The following MAP3K4 variants were observed in gnomAD, a reference collection of about 807,000 sequenced individuals.
MAP3K4 encodes the protein MAP three kinase 1.
In MAP3K4, 67 loss-of-function variants were observed where a neutral mutation model predicts 185.6. The observed-to-expected ratio is 0.36, with a 90% CI of 0.30 to 0.44. The LOEUF is 0.44. Ranked by LOEUF, MAP3K4 falls within the 20% of genes least tolerant of loss-of-function variation. The probability of loss-of-function intolerance (pLI) is 1.00; values close to 1 mark genes in which losing one functional copy is unlikely to be tolerated. For synonymous variants in MAP3K4, 702 were observed against 710.4 expected, an observed-to-expected ratio of 0.99 and a Z score of 0.19; for missense variants, 1,551 against 1,995.1, an observed-to-expected ratio of 0.78 and a Z score of 4.24.
rs1439999633 is a variant in MAP3K4, at chr6:161,070,719, A to G, written c.1819A>G (p.Met607Val). 6.2e-6 allele frequency: 10 copies of G among 1,614,050 alleles called. No homozygotes were observed. The highest frequency in any genetic ancestry group is 1.6e-4 in the Middle Eastern group (1 of 6,064). The change falls in exon 4 of 27, where the codon ATG becomes GTG. Residue 607 changes from methionine to valine, a missense_variant. By Grantham distance (21) the Met-to-Val change is conservative. Around this residue, in one of 16 missense-constraint regions of MAP3K4, gnomAD observed 86 missense variants for 81.6 expected, o/e 1.05. Transcript: ENST00000392142. The surrounding 1 kb of genome is among the most constrained non-coding windows in gnomAD (Gnocchi z 4.5). ...SAVSWEELKAMDLPSFEPAFL... is the reference protein window; with the variant it reads ...SAVSWEELKAVDLPSFEPAFL... Reference sequence around the variant, plus strand: ...TGTGTCGTGGGAGGAGCTGAAGGCCATGGATTTACCTTCATTCGAACCTGC... The same window carrying G: ...TGTGTCGTGGGAGGAGCTGAAGGCCGTGGATTTACCTTCATTCGAACCTGC...
chr6:161,047,673 T>G (rs1388832739), intron 2 of MAP3K4, among the ~76,000 whole-genome samples: 2 of 152,152 alleles, frequency 1.3e-5, no homozygotes, highest in African/African-American at 4.8e-5. Context: ...ATTAACATTT[T>G]ATGTAGTGAG....
At position 161,067,550 on chromosome 6, in the gene MAP3K4, T is replaced by C. The variant is rs1365554404; in HGVS notation, c.1708-3058T>C. On this transcript the variant is annotated intron_variant, in intron 3 of 26. Transcript: ENST00000392142. The surrounding 1 kb of genome is among the most constrained non-coding windows in gnomAD (Gnocchi z 6.3). ...CTTGCCTGTTAGGGAAACCCAGGTG[T>C]GTACTAATTTAAGTGCAAAAGTATG... Among the ~76,000 whole-genome samples the C allele has an allele frequency of 6.6e-6, 1 of 152,196 alleles. No individual in the cohort carries two copies. Among genetic ancestry groups the C allele is most frequent in the South Asian group, 2.1e-4 (1 of 4,828 alleles).
At chr6:160,997,102 C>T (rs570582382) in intron 1 of MAP3K4, among the ~76,000 whole-genome samples, 4 of 152,184 alleles carry the variant, frequency 2.6e-5, no homozygotes, top group East Asian at 3.9e-4. Flanking sequence ...CCTTGCTTTT[C>T]CTGCTTTAAT....
intron 1 of MAP3K4, among the ~76,000 whole-genome samples, chr6:161,001,017 T>G: frequency 1.1e-4 from 2 of 18,816 alleles, no homozygotes; most frequent in African/African-American, 3.6e-4. Context: ...CACATATGTA[T>G]ATAATATATA....
chr6:161,065,894 C>T (rs962433172), intron 3 of MAP3K4, among the ~76,000 whole-genome samples: 14 of 138,212 alleles, frequency 1.0e-4, no homozygotes, highest in Admixed American at 4.5e-4. Flanking sequence ...GCCGAGATCG[C>T]GCCACTGCAC....
rs191267602 is a variant in MAP3K4 at position 161,008,962 on chromosome 6, T to C, written c.152+16879T>C. Among the ~76,000 whole-genome samples the C allele has an allele frequency of 9.9e-5, 15 of 151,918 alleles. No individual in the cohort carries two copies. Among genetic ancestry groups the C allele is most frequent in the African/African-American group, 3.6e-4 (15 of 41,396 alleles). On this transcript the variant is annotated intron_variant, in intron 1 of 26. Transcript: ENST00000392142. This position sits in a 1 kb window ranked among gnomAD's most constrained non-coding sequence, Gnocchi z 4.1. The stretch of plus-strand genomic sequence containing the variant: ...CCCATTGTATAAATGTATCATGGCA[T>C]ATTCATTTTTTTAAACCATCTGAAC...
Position 161,107,853 on chromosome 6 carries a change from G to GC in MAP3K4, c.4049-41dup. The GC allele has an allele frequency of 7.5e-7, 1 of 1,327,046 alleles. No individual in the cohort carries two copies. The highest frequency in any genetic ancestry group is 1.1e-6 in the Non-Finnish European group (1 of 920,972). 82.2% of individuals were successfully genotyped at this position (1,327,046 alleles called of 1,614,324 possible). ...TTACAAGTTTAAGGAATGTAAGACA[G>GC]CCCCCTGCAGTGGCTGGAAGTGCAG... On this transcript the variant is annotated intron_variant, in intron 20 of 26. Transcript: ENST00000392142. This position sits in a 1 kb window ranked among gnomAD's most constrained non-coding sequence, Gnocchi z 6.2.
chr6:161,037,745 T>C lies in MAP3K4; in HGVS notation c.343+3296T>C, dbSNP rs905196361. ...AAAGTCAGGATTTCTTCCCAACACT[T>C]ACTACTTTTTTTCTTGACTTAAATC... On this transcript the variant is annotated intron_variant, in intron 2 of 26. Transcript: ENST00000392142. This position sits in a 1 kb window ranked among gnomAD's most constrained non-coding sequence, Gnocchi z 4.2. 6.6e-6 allele frequency among the ~76,000 whole-genome samples: 1 copy of C among 152,182 alleles called. No individual in the cohort carries two copies. Among genetic ancestry groups the C allele is most frequent in the African/African-American group, 2.4e-5 (1 of 41,454 alleles).
At chr6:160,992,160 C>T (rs1304407712) in intron 1 of MAP3K4, 77 bp downstream of exon 1, 20 of 1,419,386 alleles carry the variant, frequency 1.4e-5, no homozygotes, top group Admixed American at 5.9e-5. Flanking sequence ...GGCCCGAGGG[C>T]CTCTGCTTCC....
intron 11 of MAP3K4, 47 bp downstream of exon 11, chr6:161,089,518 A>G (rs909157559): frequency 1.4e-5 from 22 of 1,602,894 alleles, no homozygotes; most frequent in Non-Finnish European, 1.8e-5. Flanking sequence ...CTTTTTGATG[A>G]AAGTCAGTGT....
intron 1 of MAP3K4, among the ~76,000 whole-genome samples, chr6:161,033,365 A>G (rs1562493894): frequency 6.6e-6 from 1 of 152,136 alleles, no homozygotes; most frequent in African/African-American, 2.4e-5. Flanking sequence ...TGTATCATTA[A>G]ATTTTATTTT....
intron 1 of MAP3K4, among the ~76,000 whole-genome samples, chr6:161,012,059 A>G (rs925882766): frequency 6.6e-6 from 1 of 152,140 alleles, no homozygotes; most frequent in African/African-American, 2.4e-5. Flanking sequence ...TAGGGTGGCC[A>G]CGCATTTCGA....
chr6:161,034,571 A>ATTT lies in MAP3K4; in HGVS notation c.343+122_343+123insTTT. The ATTT allele has an allele frequency of 5.9e-6, 4 of 674,382 alleles. No homozygotes were observed. Among genetic ancestry groups the ATTT allele is most frequent in the Non-Finnish European group, 8.4e-6 (4 of 477,246 alleles). The allele number at this position is 674,382 out of a possible 1,614,324, so 41.8% of individuals were successfully genotyped here. ...TGATTTTAATGCTCCTGTAAAGTTCAATTTTTTTTTGAATTATTACCATTA... is the reference window on the plus strand; with the variant it reads ...TGATTTTAATGCTCCTGTAAAGTTCATTTATTTTTTTTTGAATTATTACCATTA... On this transcript the variant is annotated intron_variant, in intron 2 of 26. Coordinates refer to ENST00000392142, the MANE Select transcript of MAP3K4 (RefSeq NM_005922.4). The surrounding 1 kb of genome is among the most constrained non-coding windows in gnomAD (Gnocchi z 4.4).
In MAP3K4 at chr6:161,097,126, T is replaced by G; in HGVS notation, c.3474T>G (p.His1158Gln). 6.2e-7 allele frequency: 1 copy of G among 1,614,160 alleles called. No homozygotes were observed. Among genetic ancestry groups the G allele is most frequent in the Admixed American group, 1.7e-5 (1 of 60,014 alleles). The change falls in exon 16 of 27, where the codon CAT becomes CAG. Residue 1158 changes from histidine (H) to glutamine (Q), a missense_variant. Transcript: ENST00000392142. The surrounding 1 kb of genome is among the most constrained non-coding windows in gnomAD (Gnocchi z 4.9). Reference protein sequence around the residue: ...SPRPMKVPRCHSDPPNPHLII... With the variant: ...SPRPMKVPRCQSDPPNPHLII... Reference sequence around the variant, plus strand: ...GTCCTATGAAGGTACCTCGATGCCATAGTGACCCTCCTAACCCACACCTCA... The same window carrying G: ...GTCCTATGAAGGTACCTCGATGCCAGAGTGACCCTCCTAACCCACACCTCA...
chr6:161,036,765 A>C (rs1241853863), intron 2 of MAP3K4, among the ~76,000 whole-genome samples: 1 of 152,202 alleles, frequency 6.6e-6, no homozygotes, highest in Non-Finnish European at 1.5e-5. Flanking sequence ...TATATAATAC[A>C]AATTTTGAGT....
At chr6:161,004,279 G>A (rs188129744) in intron 1 of MAP3K4, among the ~76,000 whole-genome samples, 2 of 152,034 alleles carry the variant, frequency 1.3e-5, no homozygotes, top group East Asian at 1.9e-4. Flanking sequence ...GTCTAATATC[G>A]AACAAAGTAG....
Position 161,107,425 on chromosome 6 carries a change from C to T in MAP3K4, c.4049-474C>T, listed in dbSNP as rs900702147. On this transcript the variant is annotated intron_variant, in intron 20 of 26. Transcript: ENST00000392142. This position sits in a 1 kb window ranked among gnomAD's most constrained non-coding sequence, Gnocchi z 6.2. Reference sequence around the variant, plus strand: ...ATTAATTATTGTTATCAGTCTTGTCCAGGCACATATCCTCTTGCTTTAATG... The same window carrying T: ...ATTAATTATTGTTATCAGTCTTGTCTAGGCACATATCCTCTTGCTTTAATG... Among the ~76,000 whole-genome samples the T allele has an allele frequency of 6.6e-6, 1 of 152,126 alleles. No homozygotes were observed. Among genetic ancestry groups the T allele is most frequent in the African/African-American group, 2.4e-5 (1 of 41,424 alleles).
At position 161,098,189 on chromosome 6, in the gene MAP3K4, C is replaced by G; in HGVS notation, c.3525-89C>G. The G allele has an allele frequency of 7.3e-7, 1 of 1,364,420 alleles. No homozygotes were observed. The highest frequency in any genetic ancestry group is 1.0e-6 in the Non-Finnish European group (1 of 1,003,138). 84.5% of individuals were successfully genotyped at this position (1,364,420 alleles called of 1,614,324 possible). A position where few individuals can be genotyped will look rare whatever the true frequency, so the allele number is the denominator to read the frequency against. On this transcript the variant is annotated intron_variant, in intron 16 of 26. Coordinates refer to ENST00000392142, the MANE Select transcript of MAP3K4 (RefSeq NM_005922.4). The surrounding 1 kb of genome is among the most constrained non-coding windows in gnomAD (Gnocchi z 4.4). ...TATATTTTTAAATATATTTCACCCC[C>G]TTGCCATATTTTATTTTTAATTGAA...
chr6:161,016,360 G>A (rs1226900428), intron 1 of MAP3K4, among the ~76,000 whole-genome samples: 1 of 152,124 alleles, frequency 6.6e-6, no homozygotes, highest in African/African-American at 2.4e-5. Flanking sequence ...TTTTGATGCA[G>A]TTGGTTTATC....
Sources: allele counts gnomAD v4.1 joint callset (sites outside exome capture counted in the v4.1 genomes callset), GRCh38; gene constraint gnomAD v4.1.1; regional missense constraint gnomAD v4.1.1; non-coding constraint Gnocchi (gnomAD v3.1); transcripts MANE v1.5; gene names NCBI Gene and HGNC (gene_info 2026-07-23, HGNC 2026-07-21).